Variants in GSK3B observed in about 807,000 individuals in gnomAD.
The protein encoded by GSK3B is glycogen synthase kinase 3 beta.
In GSK3B, 15 loss-of-function variants were observed where a neutral mutation model predicts 56.4. That is an observed-to-expected ratio of 0.27 (90% CI 0.18 to 0.41). The LOEUF (loss-of-function observed/expected upper bound fraction) is 0.41. Ranked by LOEUF, GSK3B falls within the 10% of genes least tolerant of loss-of-function variation. The pLI, the probability that GSK3B is intolerant of heterozygous loss-of-function variation, is 1.00. For synonymous variants in GSK3B, 181 were observed against 188.9 expected (o/e 0.96, Z 0.34); for missense variants, 300 against 513.4 (o/e 0.58, Z 4.02).
At chr3:120,081,519 C>A (rs562498562) in intron 1 of GSK3B, among the ~76,000 whole-genome samples, 1 of 152,162 alleles carries the variant, frequency 6.6e-6, no homozygotes, top group African/African-American at 2.4e-5. Context: ...TGCACTCCAG[C>A]CTGGCAACAG....
intron 1 of GSK3B, among the ~76,000 whole-genome samples, chr3:120,014,088 T>A (rs1351035865): frequency 6.9e-5 from 10 of 144,604 alleles, no homozygotes; most frequent in Admixed American, 6.3e-4. Context: ...TGAGCCAAGA[T>A]CATGCCACTG....
At chr3:119,876,801 AAGAGCAGGCTGGTT>A (rs1299969148) in intron 7 of GSK3B, among the ~76,000 whole-genome samples, 1 of 152,218 alleles carries the variant, frequency 6.6e-6, no homozygotes, top group Non-Finnish European at 1.5e-5. Context: ...TTGTTATTTC[AAGAGCAGGCTGGTT>A]AGAAATGTAA....
intron 3 of GSK3B, among the ~76,000 whole-genome samples, chr3:119,942,305 T>G (rs1350385072): frequency 6.6e-6 from 1 of 152,168 alleles, no homozygotes; most frequent in Non-Finnish European, 1.5e-5. Flanking sequence ...TATTTTTATT[T>G]TTTATTTTTT....
chr3:120,014,692 T>C (rs368603165), intron 1 of GSK3B, among the ~76,000 whole-genome samples: 3 of 152,192 alleles, frequency 2.0e-5, no homozygotes, highest in African/African-American at 7.2e-5. Flanking sequence ...CTTCACATGA[T>C]TCTAACCTAA....
intron 10 of GSK3B, among the ~76,000 whole-genome samples, chr3:119,842,409 A>G (rs1289422588): frequency 6.6e-6 from 1 of 151,564 alleles, no homozygotes; most frequent in Admixed American, 6.6e-5. Flanking sequence ...TCAAATGATT[A>G]AAAAAATGAT....
chr3:119,921,891 ACTTGGGGAGTCCC>A (rs2056843215), intron 4 of GSK3B, among the ~76,000 whole-genome samples: 1 of 152,118 alleles, frequency 6.6e-6, no homozygotes, highest in Non-Finnish European at 1.5e-5. Flanking sequence ...TAATCTCAGT[ACTTGGGGAGTCCC>A]AGCTGGTGGA....
chr3:119,946,656 G>T lies in GSK3B; in HGVS notation c.366+612C>A, dbSNP rs369387034. ...TTATTTTCTTTGCTCCAACTTCATTGATTATTGTGTCTTCTGAAGAGAAAG... is the reference window on the plus strand; with the variant it reads ...TTATTTTCTTTGCTCCAACTTCATTTATTATTGTGTCTTCTGAAGAGAAAG... On this transcript the variant is annotated intron_variant, in intron 3 of 10. Transcript: ENST00000264235. 5.3e-5 allele frequency among the ~76,000 whole-genome samples: 8 copies of T among 152,324 alleles called. No homozygotes were observed. The Middle Eastern group carries it at 0.01, about 194-fold the overall frequency.
At chr3:120,087,855 G>A (rs1444231432) in intron 1 of GSK3B, among the ~76,000 whole-genome samples, 2 of 151,704 alleles carry the variant, frequency 1.3e-5, no homozygotes, top group Non-Finnish European at 2.9e-5. Context: ...TGGTAAGGGG[G>A]ATTATAAACT....
intron 7 of GSK3B, among the ~76,000 whole-genome samples, chr3:119,878,492 T>TC (rs1412752910): frequency 6.6e-6 from 1 of 152,140 alleles, no homozygotes; most frequent in African/African-American, 2.4e-5. Context: ...CAACTGAAGC[T>TC]CTCACCATTG....
Position 120,063,487 on chromosome 3 carries a change from G to A in GSK3B, c.88+29860C>T, listed in dbSNP as rs567813178. ...CACACCTGTAATCCCAGCACTTTGG[G>A]AAGCCAAGGTGGGCGGATCACCTGA... On this transcript the variant is annotated intron_variant, in intron 1 of 10. Coordinates refer to ENST00000264235, the MANE Select transcript of GSK3B (RefSeq NM_001146156.2). Among the ~76,000 whole-genome samples the A allele has an allele frequency of 2.6e-5, 4 of 152,264 alleles. No homozygotes were observed. In the South Asian group the frequency reaches 8.3e-4, roughly 32 times the overall value.
intron 3 of GSK3B, among the ~76,000 whole-genome samples, chr3:119,927,617 C>G (rs1345390392): frequency 6.6e-6 from 1 of 152,066 alleles, no homozygotes; most frequent in Non-Finnish European, 1.5e-5. Context: ...TAATGAATCT[C>G]AGAACACTTT....
At chr3:120,006,935 G>C (rs946350915) in intron 1 of GSK3B, among the ~76,000 whole-genome samples, 1 of 150,306 alleles carries the variant, frequency 6.7e-6, no homozygotes, top group Non-Finnish European at 1.5e-5. Flanking sequence ...GAAAGAGATA[G>C]AGACAGAAAA....
chr3:120,015,190 AT>A (rs1475141929), intron 1 of GSK3B, among the ~76,000 whole-genome samples: 1 of 152,202 alleles, frequency 6.6e-6, no homozygotes. Flanking sequence ...TGCTCAATAA[AT>A]TACAGTTTCT....
intron 10 of GSK3B, among the ~76,000 whole-genome samples, chr3:119,839,816 T>G (rs2055747104): frequency 1.3e-5 from 2 of 152,226 alleles, no homozygotes; most frequent in South Asian, 4.1e-4. Flanking sequence ...TACACTGATT[T>G]AAATCAAGTA....
chr3:119,855,858 T>C (rs1274870646), intron 9 of GSK3B, among the ~76,000 whole-genome samples: 1 of 152,070 alleles, frequency 6.6e-6, no homozygotes, highest in Admixed American at 6.6e-5. Flanking sequence ...GGGGTAGCAG[T>C]AGGAGAAATA....
intron 1 of GSK3B, among the ~76,000 whole-genome samples, chr3:120,006,126 T>A (rs1360271225): frequency 1.3e-5 from 2 of 152,026 alleles, no homozygotes; most frequent in Non-Finnish European, 2.9e-5. Context: ...TGGTCTCTGA[T>A]AAAATAGACT....
intron 1 of GSK3B, among the ~76,000 whole-genome samples, chr3:120,038,527 A>G (rs1255230955): frequency 2.0e-5 from 3 of 152,216 alleles, no homozygotes; most frequent in Non-Finnish European, 4.4e-5. Flanking sequence ...CTCTGTCTCA[A>G]AAAAACATGT....
intron 2 of GSK3B, among the ~76,000 whole-genome samples, chr3:119,998,103 G>A (rs2057641450): frequency 6.6e-6 from 1 of 152,176 alleles, no homozygotes; most frequent in African/African-American, 2.4e-5. Flanking sequence ...AACACAAACT[G>A]AAATTATTTT....
intron 7 of GSK3B, among the ~76,000 whole-genome samples, chr3:119,879,223 C>G (rs889353943): frequency 1.3e-5 from 2 of 152,102 alleles, no homozygotes; most frequent in African/African-American, 4.8e-5. Context: ...CACTGTTGCC[C>G]AGGCTGGAGT....
Sources: allele counts gnomAD v4.1 joint callset (sites outside exome capture counted in the v4.1 genomes callset), GRCh38; gene constraint gnomAD v4.1.1; transcripts MANE v1.5; gene names NCBI Gene and HGNC (gene_info 2026-07-23, HGNC 2026-07-21).